The following COL19A1 variants were observed in gnomAD, a reference collection of about 807,000 sequenced individuals.
The protein encoded by COL19A1 is collagen type XIX alpha 1 chain.
Under a neutral mutation model 190.2 loss-of-function variants are expected in COL19A1, and 159 were observed. That is an observed-to-expected ratio of 0.84 (90% CI 0.73 to 0.95). The LOEUF is 0.95. Among genes scored for constraint, COL19A1 ranks in the 40% least tolerant of loss-of-function variants. The pLI is 0.00. For missense variants in COL19A1, 1,418 were observed against 1,431.9 expected, an observed-to-expected ratio of 0.99 and a Z score of 0.16; for synonymous variants, 509 against 458.9, an observed-to-expected ratio of 1.11 and a Z score of -1.39.
At chr6:70,109,541 AGTGT>A (rs60219800) in intron 16 of COL19A1, among the ~76,000 whole-genome samples, 69,324 of 143,670 alleles carry the variant, frequency 0.48, 17,124 homozygotes, top group Admixed American at 0.62. Context: ...CCGTTTTGTA[AGTGT>A]GTGTGTGTGT....
intron 14 of COL19A1, among the ~76,000 whole-genome samples, chr6:70,066,477 T>C (rs902385363): frequency 4.3e-4 from 65 of 151,962 alleles, no homozygotes; most frequent in South Asian, 2.1e-4. Flanking sequence ...AGGGATAGCA[T>C]TGGGAGATAT....
chr6:70,098,506 G>T, intron 15 of COL19A1: 1 of 479,680 alleles, frequency 2.1e-6, no homozygotes. Context: ...GACCAGTCCT[G>T]GTATTATTTC....
At chr6:70,004,296 C>T (rs1407969186) in intron 11 of COL19A1, among the ~76,000 whole-genome samples, 1 of 152,082 alleles carries the variant, frequency 6.6e-6, no homozygotes, top group East Asian at 1.9e-4. Flanking sequence ...CTCTGGCTAC[C>T]CTTAATATTT....
chr6:69,923,681 G>A (rs866120126), intron 4 of COL19A1, among the ~76,000 whole-genome samples: 20 of 152,138 alleles, frequency 1.3e-4, no homozygotes, highest in Admixed American at 5.2e-4. Flanking sequence ...CATATTTGTA[G>A]GACTCCAGAC....
intron 11 of COL19A1, among the ~76,000 whole-genome samples, chr6:70,000,339 G>A (rs1777186203): frequency 6.6e-6 from 1 of 152,202 alleles, no homozygotes; most frequent in East Asian, 1.9e-4. Context: ...ACGTGTACAT[G>A]TGTCTTTATA....
chr6:70,126,629 G>A (rs1785213574), intron 17 of COL19A1, among the ~76,000 whole-genome samples: 2 of 152,188 alleles, frequency 1.3e-5, no homozygotes, highest in Admixed American at 6.5e-5. Flanking sequence ...ATTTTCAAGT[G>A]AGCACAGCTT....
intron 4 of COL19A1, among the ~76,000 whole-genome samples, chr6:69,908,299 A>T (rs1260329775): frequency 1.3e-5 from 2 of 152,176 alleles, no homozygotes; most frequent in Non-Finnish European, 2.9e-5. Flanking sequence ...ATGCCTATTT[A>T]TGCATCCCTT....
intron 16 of COL19A1, among the ~76,000 whole-genome samples, chr6:70,103,822 C>T (rs926795836): frequency 2.6e-5 from 4 of 152,188 alleles, no homozygotes; most frequent in African/African-American, 4.8e-5. Flanking sequence ...GACCACTGCA[C>T]TGTGACTTTT....
chr6:70,022,865 CT>C (rs1209571168), intron 11 of COL19A1, among the ~76,000 whole-genome samples: 2 of 152,098 alleles, frequency 1.3e-5, no homozygotes, highest in African/African-American at 2.4e-5. Context: ...GGATGCTTCT[CT>C]TTTTTTACTA....
chr6:69,936,510 TATCA>T (rs1261807255), intron 7 of COL19A1, among the ~76,000 whole-genome samples: 1 of 152,132 alleles, frequency 6.6e-6, no homozygotes, highest in African/African-American at 2.4e-5. Flanking sequence ...TTTCTGTACT[TATCA>T]AAAAGTTACC....
chr6:70,057,754 T>C (rs1451026199), intron 14 of COL19A1, among the ~76,000 whole-genome samples: 4 of 152,106 alleles, frequency 2.6e-5, no homozygotes. Flanking sequence ...AAAAATAGCT[T>C]GGATTATTTT....
rs1388201963 is a variant in COL19A1 at position 70,146,759 on chromosome 6, G to GA, written c.1816-48dup. On this transcript the variant is annotated intron_variant, in intron 26 of 50. Coordinates refer to ENST00000620364, the MANE Select transcript of COL19A1 (RefSeq NM_001858.6). Reference sequence around the variant, plus strand: ...AATGAATAATTAACAAAATACAGCAGAAAAATGTATGTCTCTTGAGCCTTG... The same window carrying GA: ...AATGAATAATTAACAAAATACAGCAGAAAAAATGTATGTCTCTTGAGCCTTG... The GA allele has an allele frequency of 9.4e-6, 15 of 1,590,146 alleles. No homozygotes were observed. The African/African-American group carries it at 1.5e-4, about 16-fold the overall frequency.
chr6:69,966,725 G>A (rs1775130237), intron 11 of COL19A1, among the ~76,000 whole-genome samples: 1 of 149,276 alleles, frequency 6.7e-6, no homozygotes, highest in Non-Finnish European at 1.5e-5. Context: ...CTATGACCCC[G>A]CCAAATCCCC....
Position 69,888,064 on chromosome 6 carries a change from G to T in COL19A1, c.91+8406G>T, listed in dbSNP as rs559677055. 2.6e-5 allele frequency among the ~76,000 whole-genome samples: 4 copies of T among 152,298 alleles called. No homozygotes were observed. In the South Asian group the frequency reaches 8.3e-4, roughly 32 times the overall value. On this transcript the variant is annotated intron_variant, in intron 2 of 50. Coordinates refer to ENST00000620364, the MANE Select transcript of COL19A1 (RefSeq NM_001858.6). ...CTTAACTTCTTCCTGCTGACAGGGT[G>T]TGCTGTTTTGGGGAAATGGCAGGTG...
Position 70,176,483 on chromosome 6 carries a change from A to G in COL19A1, c.2623-37A>G, listed in dbSNP as rs1765810654. On this transcript the variant is annotated intron_variant, in intron 41 of 50. Transcript: ENST00000620364. ...AATTTCATAACTAAAGACTTCATTGATGTCATTAAAGTAGCAATGTTTTTA... is the reference window on the plus strand; with the variant it reads ...AATTTCATAACTAAAGACTTCATTGGTGTCATTAAAGTAGCAATGTTTTTA... 1.9e-6 allele frequency: 3 copies of G among 1,602,606 alleles called. No individual in the cohort carries two copies. In the East Asian group the frequency reaches 6.7e-5, roughly 36 times the overall value.
At chr6:69,940,302 C>A (rs960083921) in intron 9 of COL19A1, among the ~76,000 whole-genome samples, 3 of 151,998 alleles carry the variant, frequency 2.0e-5, no homozygotes, top group African/African-American at 7.2e-5. Context: ...TCCATCAACA[C>A]CTATTTATTG....
At chr6:70,045,266 C>T (rs1218861522) in intron 14 of COL19A1, among the ~76,000 whole-genome samples, 1 of 131,318 alleles carries the variant, frequency 7.6e-6, no homozygotes, top group Non-Finnish European at 1.6e-5. Flanking sequence ...TGAGCCAAAA[C>T]ATACCATGGC....
chr6:69,921,214 T>C (rs1287545907), intron 4 of COL19A1, among the ~76,000 whole-genome samples: 1 of 131,920 alleles, frequency 7.6e-6, no homozygotes, highest in African/African-American at 2.8e-5. Flanking sequence ...TATTCATATA[T>C]AATATATCCA....
chr6:69,921,492 A>ATATATTCG (rs1771903308), intron 4 of COL19A1, among the ~76,000 whole-genome samples: 1 of 101,220 alleles, frequency 9.9e-6, no homozygotes, highest in African/African-American at 5.3e-5. Context: ...ATATATTCAT[A>ATATATTCG]TATATTCATA....
Sources: allele counts gnomAD v4.1 joint callset (sites outside exome capture counted in the v4.1 genomes callset), GRCh38; gene constraint gnomAD v4.1.1; transcripts MANE v1.5; gene names NCBI Gene and HGNC (gene_info 2026-07-23, HGNC 2026-07-21).